CCDC180: variants seen among roughly 807,000 people sequenced by gnomAD.
CCDC180 encodes coiled-coil domain containing 180.
CCDC180 carries 154 observed loss-of-function variants against 209.2 expected under a neutral mutation model. The ratio of observed to expected loss-of-function variants is 0.74; its 90% CI spans 0.65 to 0.84. CCDC180 has a LOEUF of 0.84. Among genes scored for constraint, CCDC180 ranks in the 40% least tolerant of loss-of-function variants. The pLI is 0.00. For missense variants in CCDC180, 1,874 were observed against 1,997.3 expected, an observed-to-expected ratio of 0.94 and a Z score of 1.18; for synonymous variants, 778 against 749.1, an observed-to-expected ratio of 1.04 and a Z score of -0.63.
In CCDC180 at chr9:97,356,775, T is replaced by C. The variant is rs765427520; in HGVS notation, c.3265-852T>C. Among the ~76,000 whole-genome samples, 10 of 152,196 alleles carry C rather than the reference T, an allele frequency of 6.6e-5. 1 individual carries two copies. Among genetic ancestry groups the C allele is most frequent in the Admixed American group, 1.3e-4 (2 of 15,284 alleles). On this transcript the variant is annotated intron_variant, in intron 24 of 36. Coordinates refer to ENST00000529487, the MANE Select transcript of CCDC180 (RefSeq NM_020893.6). The stretch of plus-strand genomic sequence containing the variant: ...TATCTAACACCTGTGATAAACAAAA[T>C]ACATTTCCATCATGGACAATACTGG...
intron 24 of CCDC180, among the ~76,000 whole-genome samples, chr9:97,356,159 T>C (rs998830966): frequency 6.6e-6 from 1 of 151,970 alleles, no homozygotes; most frequent in Non-Finnish European, 1.5e-5. Context: ...GGAAGTGGGA[T>C]GGGAGGGACT....
rs977396114 is a variant in CCDC180 at position 97,357,836 on chromosome 9, CG to C, written c.3363+115del. 8.4e-6 allele frequency: 7 copies of C among 829,516 alleles called. 1 individual carries two copies. The highest frequency in any genetic ancestry group is 1.9e-6 in the Non-Finnish European group (1 of 531,316). The allele number at this position is 829,516 out of a possible 1,614,324, so 51.4% of individuals were successfully genotyped here. On this transcript the variant is annotated intron_variant, in intron 25 of 36. Coordinates refer to ENST00000529487, the MANE Select transcript of CCDC180 (RefSeq NM_020893.6). ...TAGGATTTCTCCAGCACAAGGTTGG[CG>C]GGGTGGGGGGACATCTCTGAGCCTT...
In CCDC180 at chr9:97,313,311, C is replaced by T. The variant is rs2118541737; in HGVS notation, c.425C>T (p.Ala142Val). ...AGGAAGAGCTACGAGAGCGCTCTGG[C>T]CAGCTTTCAGGAGGAGATTGCGCAG... The part of the protein sequence containing the change: ...HKRKSYESAL[A>V]SFQEEIAQVG... The change falls in exon 5 of 37, where the codon GCC becomes GTC. Residue 142 changes from alanine (A) to valine (V), a missense_variant. Ala to Val is a moderately conservative substitution (Grantham distance 64). Transcript: ENST00000529487. 1.2e-6 allele frequency: 2 copies of T among 1,612,210 alleles called. 1 individual carries two copies. The highest frequency in any genetic ancestry group is 3.3e-4 in the Middle Eastern group (2 of 6,052).
Position 97,330,157 on chromosome 9 carries a change from T to C in CCDC180, c.1792T>C (p.Leu598=), listed in dbSNP as rs780726058. The change falls in exon 17 of 37, where the codon TTG becomes CTG. Residue 598 remains leucine, a synonymous_variant. Transcript: ENST00000529487. ...GACTCTTGGTTTTTCCTTGTAGAAC[T>C]TGGCTGGAGAAGTCATTTTCAAATT... ...FFVREIFEQN[L]AGEVIFKFRQ... is the part of the protein sequence containing the mutation. The C allele has an allele frequency of 6.2e-7, 1 of 1,613,744 alleles. No homozygotes were observed. Among genetic ancestry groups the C allele is most frequent in the African/African-American group, 1.3e-5 (1 of 74,912 alleles).
At chr9:97,326,817 C>T (rs1833549680) in intron 15 of CCDC180, 148 bp downstream of exon 15, 2 of 583,510 alleles carry the variant, frequency 3.4e-6, no homozygotes, top group East Asian at 5.7e-5. Context: ...CCCTCTGCAG[C>T]TCTACTCTCA....
At chr9:97,347,268 G>C in intron 19 of CCDC180, 46 bp from the exon 20 acceptor site, 1 of 1,526,468 alleles carries the variant, frequency 6.6e-7, no homozygotes, top group Non-Finnish European at 8.8e-7. Context: ...ACCTCTCATG[G>C]GTCATGATTG....
intron 16 of CCDC180, 61 bp from the exon 17 acceptor site, chr9:97,330,093 G>C (rs118069348): frequency 5.4e-6 from 7 of 1,301,900 alleles, no homozygotes; most frequent in Admixed American, 4.1e-5. Context: ...AAAAAAAGGT[G>C]GGGGGCACTC....
Position 97,315,886 on chromosome 9 carries a change from G to A in CCDC180, c.795+940G>A, listed in dbSNP as rs750668366. ...ATAATATAGATGTTCCTCCACTTAC[G>A]ATAGGGTCACATCCCAGTATACTCA... On this transcript the variant is annotated intron_variant, in intron 8 of 36. Coordinates refer to ENST00000529487, the MANE Select transcript of CCDC180 (RefSeq NM_020893.6). 3.3e-5 allele frequency among the ~76,000 whole-genome samples: 5 copies of A among 152,192 alleles called. No homozygotes were observed. In the East Asian group the frequency reaches 5.8e-4, roughly 18 times the overall value.
At chr9:97,343,969 T>C (rs1826170046) in intron 19 of CCDC180, among the ~76,000 whole-genome samples, 1 of 152,234 alleles carries the variant, frequency 6.6e-6, no homozygotes, top group Non-Finnish European at 1.5e-5. Flanking sequence ...GTACTCAGTA[T>C]GTGCAAAATA....
intron 22 of CCDC180, among the ~76,000 whole-genome samples, chr9:97,353,508 T>C (rs903824157): frequency 1.3e-5 from 2 of 152,230 alleles, no homozygotes; most frequent in African/African-American, 4.8e-5. Context: ...TGATTCCTTA[T>C]CAATTTTTAA....
intron 19 of CCDC180, among the ~76,000 whole-genome samples, chr9:97,345,408 A>G (rs966369487): frequency 2.0e-5 from 3 of 152,168 alleles, no homozygotes; most frequent in Non-Finnish European, 2.9e-5. Flanking sequence ...GTTCTGATAT[A>G]GTTATAGTGG....
chr9:97,370,667 A>G lies in CCDC180; in HGVS notation c.4377A>G (p.Leu1459=). Residue 1459 remains leucine (L), a synonymous_variant, in exon 33 of 37, where the codon CTA becomes CTG. Transcript: ENST00000529487. The part of the protein sequence containing the change: ...RKDKNAQKLH[L]NLGHPVHFQE... ...ACAAAAATGCCCAGAAGCTCCATCTAAATCTTGGACACCCCGTACATTTCC... is the reference window on the plus strand; with the variant it reads ...ACAAAAATGCCCAGAAGCTCCATCTGAATCTTGGACACCCCGTACATTTCC... The G allele has an allele frequency of 6.2e-7, 1 of 1,613,978 alleles. No homozygotes were observed. Among genetic ancestry groups the G allele is most frequent in the Non-Finnish European group, 8.5e-7 (1 of 1,179,980 alleles).
Position 97,354,669 on chromosome 9 carries a change from A to G in CCDC180, c.3103A>G (p.Ile1035Val). The G allele has an allele frequency of 1.2e-6, 2 of 1,614,228 alleles. No individual in the cohort carries two copies. Among genetic ancestry groups the G allele is most frequent in the Non-Finnish European group, 1.7e-6 (2 of 1,180,036 alleles). ...CCGGATAGAGTTGGTTGAAAGTGTC[A>G]TCATGCTCAACATGGAGAAGTTGGA... ...AARIELVESV[I>V]MLNMEKLENE... The change falls in exon 23 of 37, where the codon ATC becomes GTC. Residue 1035 changes from isoleucine to valine, a missense_variant. Transcript: ENST00000529487.
At chr9:97,319,804 T>C (rs1179798791) in intron 10 of CCDC180, among the ~76,000 whole-genome samples, 1 of 152,258 alleles carries the variant, frequency 6.6e-6, no homozygotes, top group Non-Finnish European at 1.5e-5. Context: ...ACATAAACTT[T>C]ATGTGCATTC....
At position 97,366,209 on chromosome 9, in the gene CCDC180, G is replaced by A. The variant is rs150273403; in HGVS notation, c.4048-350G>A. On this transcript the variant is annotated intron_variant, in intron 30 of 36. Coordinates refer to ENST00000529487, the MANE Select transcript of CCDC180 (RefSeq NM_020893.6). This position sits in a 1 kb window ranked among gnomAD's most constrained non-coding sequence, Gnocchi z 4.3. ...TCAGGGCAGGGTCCCTGGCTCGCCC[G>A]TCTTTGTGGCCTGCAGCCTATACCC... Among the ~76,000 whole-genome samples the A allele has an allele frequency of 8.7e-4, 132 of 152,356 alleles. No individual in the cohort carries two copies. Among genetic ancestry groups the A allele is most frequent in the African/African-American group, 2.9e-3 (121 of 41,584 alleles).
intron 10 of CCDC180, 124 bp from the exon 11 acceptor site, chr9:97,320,002 T>G (rs1228638523): frequency 6.6e-6 from 5 of 759,626 alleles, no homozygotes; most frequent in Non-Finnish European, 1.2e-5. Context: ...CCCCAGCAGT[T>G]CCCTTTGTTC....
chr9:97,341,358 T>C (rs757161176), intron 18 of CCDC180, among the ~76,000 whole-genome samples: 2 of 152,200 alleles, frequency 1.3e-5, no homozygotes, highest in African/African-American at 4.8e-5. Context: ...CCACCGACCC[T>C]GTGGGGCTGG....
intron 18 of CCDC180, among the ~76,000 whole-genome samples, chr9:97,332,225 CTG>C (rs1825775863): frequency 6.6e-6 from 1 of 151,982 alleles, no homozygotes; most frequent in South Asian, 2.1e-4. Context: ...TTCCATTGGT[CTG>C]TGTGTCTGTT....
At position 97,328,051 on chromosome 9, in the gene CCDC180, G is replaced by A; in HGVS notation, c.1693G>A (p.Glu565Lys). 1 of 1,613,930 alleles carries A rather than the reference G, an allele frequency of 6.2e-7. No homozygotes were observed. The highest frequency in any genetic ancestry group is 8.5e-7 in the Non-Finnish European group (1 of 1,179,936). Reference protein sequence around the residue: ...YECFHTLLTKEVMEYPAIMLK... With the variant: ...YECFHTLLTKKVMEYPAIMLK... ...ATGTTTTCACACCCTCCTGACAAAG[G>A]AAGTGATGGAGTACCCAGCGATCAT... Residue 565 changes from glutamate to lysine, a missense_variant, in exon 16 of 37, where the codon GAA becomes AAA. Transcript: ENST00000529487.
Sources: gnomAD v4.1 joint callset for allele counts (sites outside exome capture counted in the v4.1 genomes callset) on GRCh38, gnomAD v4.1.1 for gene constraint, Gnocchi (gnomAD v3.1) non-coding constraint, MANE v1.5 for transcripts, NCBI Gene and HGNC (gene_info 2026-07-23, HGNC 2026-07-21) for gene names.